GABRG3: variants seen among roughly 807,000 people sequenced by gnomAD.
GABRG3 encodes gamma-aminobutyric acid receptor subunit gamma-3.
In GABRG3, 25 loss-of-function variants were observed where a neutral mutation model predicts 48.8. That is an observed-to-expected ratio of 0.51 (90% confidence interval 0.37 to 0.72). The LOEUF (loss-of-function observed/expected upper bound fraction) is 0.72. Ranked by LOEUF, GABRG3 falls within the 30% of genes least tolerant of loss-of-function variation. The probability of loss-of-function intolerance (pLI) is 0.00; values close to 1 mark genes in which losing one functional copy is unlikely to be tolerated. For synonymous variants in GABRG3, 227 were observed against 217.6 expected, an observed-to-expected ratio of 1.04 and a Z score of -0.38; for missense variants, 394 against 577.9, an observed-to-expected ratio of 0.68 and a Z score of 3.26.
intron 3 of GABRG3, among the ~76,000 whole-genome samples, chr15:27,326,211 T>G (rs368043480): frequency 2.0e-5 from 3 of 152,358 alleles, no homozygotes; most frequent in African/African-American, 7.2e-5. Context: ...GAATTGGCAT[T>G]TGGCTGGGTG....
intron 5 of GABRG3, among the ~76,000 whole-genome samples, chr15:27,381,636 G>C (rs192008252): frequency 1.1e-4 from 17 of 152,308 alleles, no homozygotes; most frequent in Admixed American, 6.5e-4. Context: ...GATTTGCCTT[G>C]TGACCTGAAT....
At chr15:27,016,730 G>A (rs937046602) in intron 2 of GABRG3, among the ~76,000 whole-genome samples, 2 of 151,942 alleles carry the variant, frequency 1.3e-5, no homozygotes, top group Non-Finnish European at 2.9e-5. Flanking sequence ...TAATGCATAT[G>A]TTATTCTGCT....
chr15:27,215,083 C>T (rs1418551566), intron 3 of GABRG3, among the ~76,000 whole-genome samples: 1 of 152,074 alleles, frequency 6.6e-6, no homozygotes, highest in African/African-American at 2.4e-5. Flanking sequence ...TTCTTTTGTC[C>T]TAGATAAGTC....
intron 1 of GABRG3, among the ~76,000 whole-genome samples, chr15:26,973,166 C>T (rs1483808137): frequency 6.6e-6 from 1 of 152,162 alleles, no homozygotes; most frequent in African/African-American, 2.4e-5. Context: ...TCTTAACATT[C>T]TAGAAGAAAC....
At chr15:27,142,196 T>C (rs1318915133) in intron 3 of GABRG3, among the ~76,000 whole-genome samples, 1 of 152,222 alleles carries the variant, frequency 6.6e-6, no homozygotes, top group Non-Finnish European at 1.5e-5. Flanking sequence ...TATTCATTCA[T>C]TATATTTTGG....
At chr15:27,139,297 T>C (rs1898063327) in intron 3 of GABRG3, among the ~76,000 whole-genome samples, 1 of 152,142 alleles carries the variant, frequency 6.6e-6, no homozygotes, top group South Asian at 2.1e-4. Flanking sequence ...GTGCAAGTCC[T>C]GGAGTCCACA....
intron 3 of GABRG3, among the ~76,000 whole-genome samples, chr15:27,196,156 A>G (rs1888490470): frequency 6.6e-6 from 1 of 152,136 alleles, no homozygotes; most frequent in South Asian, 2.1e-4. Context: ...AGATGAGTCC[A>G]GTGGCATTTC....
chr15:27,159,167 G>T (rs741125), intron 3 of GABRG3, among the ~76,000 whole-genome samples: 4,247 of 152,100 alleles, frequency 0.028, 207 homozygotes, highest in African/African-American at 0.098. Context: ...AAAAGAATAA[G>T]ATAATACTAA....
intron 3 of GABRG3, among the ~76,000 whole-genome samples, chr15:27,059,198 T>C (rs961845390): frequency 3.9e-5 from 6 of 152,226 alleles, no homozygotes; most frequent in African/African-American, 1.4e-4. Context: ...TTGCCATACA[T>C]GCTCTTTCTA....
chr15:27,085,936 A>G (rs1006905237), intron 3 of GABRG3, among the ~76,000 whole-genome samples: 2 of 152,178 alleles, frequency 1.3e-5, no homozygotes, highest in Non-Finnish European at 2.9e-5. Context: ...TGTGTACTTT[A>G]TAGTAACTAA....
chr15:27,539,854 G>A lies in GABRG3; in HGVS notation c.*6973G>A, dbSNP rs1891627636. 1 of 152,152 alleles carries A rather than the reference G, an allele frequency of 6.6e-6. No individual in the cohort carries two copies. The highest frequency in any genetic ancestry group is 6.5e-5 in the Admixed American group (1 of 15,272). The allele number at this position is 152,152 out of a possible 1,614,324, so 9.4% of individuals were successfully genotyped here. ...TAAGCAATTAAAGACTCCTTCCAAT[G>A]TAATTAAAAAATAAGTAATGTGGCA... On this transcript the variant is annotated 3_prime_UTR_variant, in exon 10 of 10. Coordinates refer to ENST00000615808, the MANE Select transcript of GABRG3 (RefSeq NM_033223.5).
At chr15:27,036,330 C>T (rs954736545) in intron 3 of GABRG3, among the ~76,000 whole-genome samples, 1 of 152,090 alleles carries the variant, frequency 6.6e-6, no homozygotes, top group Non-Finnish European at 1.5e-5. Context: ...GAGGGGCCTG[C>T]GTTTTGTTCT....
At chr15:27,039,659 G>A (rs1896240770) in intron 3 of GABRG3, among the ~76,000 whole-genome samples, 1 of 152,184 alleles carries the variant, frequency 6.6e-6, no homozygotes, top group Admixed American at 6.5e-5. Context: ...AGGACCCACT[G>A]TTTCCTGACA....
At chr15:27,147,583 A>C (rs1483047525) in intron 3 of GABRG3, among the ~76,000 whole-genome samples, 1 of 152,032 alleles carries the variant, frequency 6.6e-6, no homozygotes, top group Non-Finnish European at 1.5e-5. Flanking sequence ...CCATTAAATA[A>C]GTTTTAAGAA....
intron 3 of GABRG3, among the ~76,000 whole-genome samples, chr15:27,219,559 A>T (rs1889382977): frequency 6.6e-6 from 1 of 152,104 alleles, no homozygotes; most frequent in Non-Finnish European, 1.5e-5. Context: ...GTGGCCCTGG[A>T]TGCAGCATCC....
chr15:27,524,948 T>A (rs1214527310), intron 7 of GABRG3, among the ~76,000 whole-genome samples: 1 of 152,054 alleles, frequency 6.6e-6, no homozygotes, highest in African/African-American at 2.4e-5. Context: ...TAAAGCATGA[T>A]CCAACTACAA....
At chr15:27,057,389 A>C (rs934311645) in intron 3 of GABRG3, among the ~76,000 whole-genome samples, 4 of 152,244 alleles carry the variant, frequency 2.6e-5, no homozygotes, top group African/African-American at 9.6e-5. Flanking sequence ...GGAAGGCATC[A>C]ACACTTACGG....
chr15:27,024,915 AT>A (rs1895957712), intron 2 of GABRG3, among the ~76,000 whole-genome samples: 1 of 150,492 alleles, frequency 6.6e-6, no homozygotes, highest in Admixed American at 6.7e-5. Flanking sequence ...AATCCCAGCT[AT>A]TTGGGAGGCT....
intron 5 of GABRG3, among the ~76,000 whole-genome samples, chr15:27,432,008 A>G (rs1443647976): frequency 6.6e-6 from 1 of 152,164 alleles, no homozygotes; most frequent in Non-Finnish European, 1.5e-5. Context: ...GAGAACATAC[A>G]TAGCATGGTC....
Sources: gnomAD v4.1 joint callset for allele counts (sites outside exome capture counted in the v4.1 genomes callset) on GRCh38, gnomAD v4.1.1 for gene constraint, MANE v1.5 for transcripts, NCBI Gene and HGNC (gene_info 2026-07-23, HGNC 2026-07-21) for gene names.